SETD2: variants seen among roughly 807,000 people sequenced by gnomAD.
SETD2 encodes SET domain containing 2, histone lysine methyltransferase.
A neutral mutation model predicts 242.1 loss-of-function variants in SETD2; 31 were observed. The observed-to-expected ratio is 0.13, with a 90% confidence interval of 0.10 to 0.17. SETD2 has a LOEUF of 0.17. Ranked by LOEUF, SETD2 falls within the 10% of genes least tolerant of loss-of-function variation. The probability of loss-of-function intolerance (pLI) is 1.00; values close to 1 mark genes in which losing one functional copy is unlikely to be tolerated. For missense variants in SETD2, 2,481 were observed against 3,046.3 expected (o/e 0.81, Z 4.37); for synonymous variants, 1,006 against 1,066.5 (o/e 0.94, Z 1.11).
intron 1 of SETD2, among the ~76,000 whole-genome samples, chr3:47,148,948 G>T (rs2043923361): frequency 6.6e-6 from 1 of 152,156 alleles, no homozygotes; most frequent in Non-Finnish European, 1.5e-5. Flanking sequence ...AAAACGGGCA[G>T]ATCTGAATGA....
intron 18 of SETD2, among the ~76,000 whole-genome samples, chr3:47,036,651 C>G (rs2039008961): frequency 6.6e-6 from 1 of 152,080 alleles, no homozygotes; most frequent in South Asian, 2.1e-4. Context: ...ATCTATAATC[C>G]CAGCACTTCA....
At chr3:47,040,569 ATTTT>A (rs34309892) in intron 17 of SETD2, among the ~76,000 whole-genome samples, 3,704 of 91,782 alleles carry the variant, frequency 0.04, 177 homozygotes, top group African/African-American at 0.15. Context: ...AGGGAAAAGG[ATTTT>A]TTTTTTTTTT....
At chr3:47,047,344 A>G (rs1335629900) in intron 15 of SETD2, among the ~76,000 whole-genome samples, 1 of 152,184 alleles carries the variant, frequency 6.6e-6, no homozygotes, top group Non-Finnish European at 1.5e-5. Flanking sequence ...GCTTAAACCT[A>G]CTCTGTAATT....
In SETD2 at chr3:47,097,468, G is replaced by A. The variant is rs537200623; in HGVS notation, c.5142+487C>T. ...ACTCAGGCAAGACAGGGTACAAAAT[G>A]AGGCTATCAACTGCTGTTTCATTAA... On this transcript the variant is annotated intron_variant, in intron 9 of 20. Coordinates refer to ENST00000409792, the MANE Select transcript of SETD2 (RefSeq NM_014159.7). Among the ~76,000 whole-genome samples, 7 of 152,296 alleles carry A rather than the reference G, an allele frequency of 4.6e-5. No homozygotes were observed. The East Asian group carries it at 1.3e-3, about 29-fold the overall frequency.
chr3:47,051,894 TTAAG>T (rs1371729661), intron 15 of SETD2, among the ~76,000 whole-genome samples: 3 of 152,178 alleles, frequency 2.0e-5, no homozygotes, highest in African/African-American at 7.2e-5. Context: ...GACCGGATGT[TTAAG>T]TAAGGCTCAT....
chr3:47,154,265 T>C (rs2044072271), intron 1 of SETD2, among the ~76,000 whole-genome samples: 1 of 151,912 alleles, frequency 6.6e-6, no homozygotes, highest in Admixed American at 6.6e-5. Flanking sequence ...AAAAATTAGC[T>C]GGGCGTGGTG....
chr3:47,094,165 G>A (rs769592875), intron 9 of SETD2, among the ~76,000 whole-genome samples: 3 of 152,232 alleles, frequency 2.0e-5, no homozygotes, highest in Non-Finnish European at 2.9e-5. Flanking sequence ...TAGAGACTAA[G>A]GGAAGTTTCA....
At chr3:47,079,012 A>G (rs917294971) in intron 12 of SETD2, among the ~76,000 whole-genome samples, 4 of 118,148 alleles carry the variant, frequency 3.4e-5, no homozygotes, top group Non-Finnish European at 5.6e-5. Context: ...AAGTTCAGAA[A>G]CAGAAAACAA....
At chr3:47,126,584 A>G (rs868698999) in intron 2 of SETD2, 64 bp downstream of exon 2, 2 of 821,900 alleles carry the variant, frequency 2.4e-6, no homozygotes, top group Middle Eastern at 4.6e-4. Flanking sequence ...CTTTTACCCA[A>G]TTTCTAAAAT....
intron 12 of SETD2, among the ~76,000 whole-genome samples, chr3:47,074,381 C>T (rs762875219): frequency 6.6e-6 from 1 of 152,102 alleles, no homozygotes; most frequent in Non-Finnish European, 1.5e-5. Flanking sequence ...GCAGAAATAG[C>T]CTGTTTTTAA....
At position 47,100,924 on chromosome 3, in the gene SETD2, G is replaced by C. The variant is rs557456012; in HGVS notation, c.5015+534C>G. Among the ~76,000 whole-genome samples the C allele has an allele frequency of 2.7e-5, 4 of 149,772 alleles. No homozygotes were observed. In the South Asian group the frequency reaches 8.4e-4, roughly 32 times the overall value. On this transcript the variant is annotated intron_variant, in intron 8 of 20. Coordinates refer to ENST00000409792, the MANE Select transcript of SETD2 (RefSeq NM_014159.7). The stretch of plus-strand genomic sequence containing the variant: ...GCTCAGGAGGCTGAGGCAGGAGAAC[G>C]GCATGAACCTGGGAGGCGGAGCTTG...
At chr3:47,055,043 TA>T (rs1292523224) in intron 15 of SETD2, among the ~76,000 whole-genome samples, 3 of 151,296 alleles carry the variant, frequency 2.0e-5, no homozygotes, top group African/African-American at 4.9e-5. Flanking sequence ...CTTACTATCT[TA>T]AAAAAAAATC....
chr3:47,117,097 T>G (rs1559737205), intron 3 of SETD2, among the ~76,000 whole-genome samples: 1 of 152,010 alleles, frequency 6.6e-6, no homozygotes, highest in Non-Finnish European at 1.5e-5. Flanking sequence ...ACTCCTGGGC[T>G]CAAGAAATTC....
chr3:47,150,028 C>CTTTTTTTTT (rs71098457), intron 1 of SETD2, among the ~76,000 whole-genome samples: 1,159 of 92,380 alleles, frequency 0.013, 53 homozygotes, highest in Non-Finnish European at 0.013. Context: ...TCCAAAAATA[C>CTTTTTTTTT]TTTTTTTTTT....
chr3:47,123,345 CAG>C lies in SETD2; in HGVS notation c.1289_1290del (p.Ser430Ter), dbSNP rs1575817869. 6.4e-7 allele frequency: 1 copy of C among 1,551,680 alleles called. No individual in the cohort carries two copies. The highest frequency in any genetic ancestry group is 8.7e-7 in the Non-Finnish European group (1 of 1,146,982). ...SRSERSHYYD[S>X]DRRYHRSSPY... ...GGGGAGCTCCTATGGTAGCGACGATCAGAGTCATAATAATGAGATCGTTCTGA... is the reference window on the plus strand; with the variant it reads ...GGGGAGCTCCTATGGTAGCGACGATCAGTCATAATAATGAGATCGTTCTGA... On this transcript the variant is annotated frameshift_variant, in exon 3 of 21. Transcript: ENST00000409792. LOFTEE classifies it high-confidence loss of function.
chr3:47,154,872 T>C (rs2044090481), intron 1 of SETD2, among the ~76,000 whole-genome samples: 1 of 151,914 alleles, frequency 6.6e-6, no homozygotes, highest in Non-Finnish European at 1.5e-5. Flanking sequence ...CGGGCGCCTG[T>C]AGTCCCAGCT....
intron 12 of SETD2, among the ~76,000 whole-genome samples, chr3:47,077,116 G>A (rs1303980922): frequency 6.6e-6 from 1 of 152,132 alleles, no homozygotes; most frequent in Non-Finnish European, 1.5e-5. Flanking sequence ...ACAGAATCTC[G>A]CTGTGTCACC....
intron 14 of SETD2, among the ~76,000 whole-genome samples, chr3:47,057,845 A>C: frequency 6.6e-6 from 1 of 152,222 alleles, no homozygotes; most frequent in East Asian, 1.9e-4. Context: ...TAAACCAAGA[A>C]ATAATCCAAT....
At chr3:47,097,839 A>C in intron 9 of SETD2, 116 bp downstream of exon 9, 1 of 980,840 alleles carries the variant, frequency 1.0e-6, no homozygotes, top group East Asian at 2.5e-5. Context: ...GTAACAACTC[A>C]TCTGATCTTG....
Sources: allele counts gnomAD v4.1 joint callset (sites outside exome capture counted in the v4.1 genomes callset), GRCh38; gene constraint gnomAD v4.1.1; transcripts MANE v1.5; gene names NCBI Gene and HGNC (gene_info 2026-07-23, HGNC 2026-07-21).